The following PRSS23 variants were observed in gnomAD, a reference collection of about 807,000 sequenced individuals.
PRSS23 encodes the protein protease, serine 23.
PRSS23 carries 25 observed loss-of-function variants against 34.7 expected under a neutral mutation model. That is an observed-to-expected ratio of 0.72 (90% CI 0.53 to 1.01). PRSS23 has a LOEUF of 1.01. Ranked by LOEUF, PRSS23 falls within the 50% of genes least tolerant of loss-of-function variation. The pLI is 0.00. For synonymous variants in PRSS23, 176 were observed against 186.6 expected (o/e 0.94, Z 0.46); for missense variants, 445 against 475.6 (o/e 0.94, Z 0.60).
chr11:86,861,470 G>T (rs1948614567), intron 2 of PRSS23, among the ~76,000 whole-genome samples: 3 of 151,828 alleles, frequency 2.0e-5, no homozygotes, highest in Non-Finnish European at 4.4e-5. Flanking sequence ...CGGTGGGGAA[G>T]TGTATGATAT....
chr11:86,898,100 T>A (rs976146948), intron 2 of PRSS23, among the ~76,000 whole-genome samples: 1 of 152,220 alleles, frequency 6.6e-6, no homozygotes, highest in Non-Finnish European at 1.5e-5. Flanking sequence ...AAATCTTTAA[T>A]TGGAGGCTCA....
At chr11:86,885,162 A>G (rs1048513347) in intron 2 of PRSS23, among the ~76,000 whole-genome samples, 31 of 152,220 alleles carry the variant, frequency 2.0e-4, no homozygotes, top group African/African-American at 7.2e-4. Flanking sequence ...ACCCTACCAC[A>G]TACTATATAA....
intron 2 of PRSS23, among the ~76,000 whole-genome samples, chr11:86,838,989 A>G (rs934922828): frequency 6.6e-6 from 1 of 152,154 alleles, no homozygotes; most frequent in Non-Finnish European, 1.5e-5. Context: ...TATGTCACCA[A>G]TATCAAAGAC....
At chr11:86,857,372 T>G in intron 2 of PRSS23, 1 of 263,948 alleles carries the variant, frequency 3.8e-6, no homozygotes. Flanking sequence ...ATCCCTGAAA[T>G]GGGAAGAAAA....
intron 2 of PRSS23, among the ~76,000 whole-genome samples, chr11:86,862,621 G>A (rs933875825): frequency 2.6e-5 from 4 of 151,458 alleles, no homozygotes; most frequent in African/African-American, 4.9e-5. Context: ...AATAGTATTT[G>A]TAATATTTTA....
chr11:86,879,905 A>AGG (rs1948761117), intron 2 of PRSS23, among the ~76,000 whole-genome samples: 1 of 150,428 alleles, frequency 6.6e-6, no homozygotes, highest in Non-Finnish European at 1.5e-5. Flanking sequence ...CTGGGAAGTG[A>AGG]GGAGCCCCTC....
At chr11:86,875,724 C>T (rs184613038) in intron 2 of PRSS23, among the ~76,000 whole-genome samples, 1 of 152,314 alleles carries the variant, frequency 6.6e-6, no homozygotes, top group East Asian at 1.9e-4. Context: ...CCTCCAATCC[C>T]ATCAATTATT....
At chr11:86,890,297 T>A (rs767102856) in intron 2 of PRSS23, among the ~76,000 whole-genome samples, 5 of 151,408 alleles carry the variant, frequency 3.3e-5, no homozygotes, top group Non-Finnish European at 5.9e-5. Context: ...CCCAGTTGAG[T>A]CTAATGGGCA....
At chr11:86,880,808 C>G (rs1948767849) in intron 2 of PRSS23, among the ~76,000 whole-genome samples, 1 of 152,190 alleles carries the variant, frequency 6.6e-6, no homozygotes, top group Admixed American at 6.5e-5. Context: ...ATCCATGTCC[C>G]TGCAAAGGAC....
chr11:86,949,216 T>G (rs1818242665), intron 2 of PRSS23: 1 of 152,082 alleles, frequency 6.6e-6, no homozygotes, highest in Admixed American at 6.6e-5. Flanking sequence ...CAATCGACTT[T>G]ACATGCATCT....
At chr11:86,862,410 A>T (rs535003516) in intron 2 of PRSS23, among the ~76,000 whole-genome samples, 2 of 152,008 alleles carry the variant, frequency 1.3e-5, no homozygotes, top group Admixed American at 6.5e-5. Flanking sequence ...TGTTACCGTA[A>T]TGTCACAGGC....
Position 86,928,701 on chromosome 11 carries a change from A to AT in PRSS23, c.207-22515_207-22514insT, listed in dbSNP as rs59093829. On this transcript the variant is annotated intron_variant, in intron 2 of 2. Coordinates refer to the PRSS23 transcript ENST00000533902. The stretch of plus-strand genomic sequence containing the variant: ...AAAAAAAAAAAAAAAAAAAAAAAAA[A>AT]AAAAATTGGCAAGACATATACAGCA... Among the ~76,000 whole-genome samples, 83 of 48,248 alleles carry AT rather than the reference A, an allele frequency of 1.7e-3. 4 individuals are homozygous for AT. The highest frequency in any genetic ancestry group is 3.5e-3 in the African/African-American group (55 of 15,494). 31.7% of individuals were successfully genotyped at this position (48,248 alleles called of 152,430 possible).
At chr11:86,901,861 T>C (rs1948913865) in intron 2 of PRSS23, among the ~76,000 whole-genome samples, 1 of 152,142 alleles carries the variant, frequency 6.6e-6, no homozygotes, top group African/African-American at 2.4e-5. Context: ...TTTCCACTAA[T>C]TATACATTAT....
At chr11:86,870,071 T>C (rs962689148) in intron 2 of PRSS23, among the ~76,000 whole-genome samples, 4 of 152,216 alleles carry the variant, frequency 2.6e-5, no homozygotes, top group Admixed American at 6.5e-5. Context: ...TGACTCCGCC[T>C]GGCCTGGAAG....
chr11:86,797,912 C>CA (rs2135590343), upstream of PRSS23, among the ~76,000 whole-genome samples: 1 of 152,344 alleles, frequency 6.6e-6, no homozygotes, highest in African/African-American at 2.4e-5. Flanking sequence ...TAGTAAGCGT[C>CA]AGACCTTGGA....
At chr11:86,841,550 A>G (rs2134904673) in intron 2 of PRSS23, among the ~76,000 whole-genome samples, 1 of 152,182 alleles carries the variant, frequency 6.6e-6, no homozygotes, top group East Asian at 1.9e-4. Context: ...AGACTAATAA[A>G]GAAGAAAAGA....
Position 86,810,397 on chromosome 11 carries a change from C to G in PRSS23, c.*1602C>G, listed in dbSNP as rs1948164465. 6.0e-6 allele frequency: 1 copy of G among 167,058 alleles called. No homozygotes were observed. The highest frequency in any genetic ancestry group is 1.5e-5 in the Non-Finnish European group (1 of 68,124). 10.3% of individuals were successfully genotyped at this position (167,058 alleles called of 1,614,324 possible). On this transcript the variant is annotated 3_prime_UTR_variant, in exon 2 of 2. Coordinates refer to ENST00000280258, the MANE Select transcript of PRSS23 (RefSeq NM_007173.6). Reference sequence around the variant, plus strand: ...TTTTGGAAGGATAATTCTGATAAGGCACTCAAGAAACGTACAACCACAGTG... The same window carrying G: ...TTTTGGAAGGATAATTCTGATAAGGGACTCAAGAAACGTACAACCACAGTG...
intron 2 of PRSS23, among the ~76,000 whole-genome samples, chr11:86,899,633 G>C (rs111462353): frequency 8.0e-5 from 12 of 149,986 alleles, no homozygotes; most frequent in African/African-American, 2.9e-4. Context: ...TCTTGCCTAA[G>C]CCTCCCAAGT....
At chr11:86,822,922 T>C (rs1948264038) in intron 1 of PRSS23, among the ~76,000 whole-genome samples, 1 of 152,236 alleles carries the variant, frequency 6.6e-6, no homozygotes, top group African/African-American at 2.4e-5. Context: ...AGCCAAGCCA[T>C]TGACCAGAAC....
Sources: allele counts gnomAD v4.1 joint callset (sites outside exome capture counted in the v4.1 genomes callset), GRCh38; gene constraint gnomAD v4.1.1; transcripts MANE v1.5; gene names NCBI Gene and HGNC (gene_info 2026-07-23, HGNC 2026-07-21).